CCBE1: variants seen among roughly 807,000 people sequenced by gnomAD.
The protein encoded by CCBE1 is collagen and calcium-binding EGF domain-containing protein 1.
In CCBE1, 37 loss-of-function variants were observed where a neutral mutation model predicts 50.0. The ratio of observed to expected loss-of-function variants is 0.74; its 90% CI spans 0.57 to 0.97. The LOEUF (loss-of-function observed/expected upper bound fraction) is 0.97. Ranked by LOEUF, CCBE1 falls within the 50% of genes least tolerant of loss-of-function variation. CCBE1 has a pLI of 0.00. For synonymous variants in CCBE1, 234 were observed against 203.7 expected (o/e 1.15, Z -1.27); for missense variants, 538 against 523.8 (o/e 1.03, Z -0.26).
intron 7 of CCBE1, among the ~76,000 whole-genome samples, chr18:59,441,960 A>G (rs146967509): frequency 2.0e-5 from 3 of 152,214 alleles, no homozygotes; most frequent in African/African-American, 4.8e-5. Context: ...ACTCCTCAGC[A>G]TAGTATCCTT....
intron 2 of CCBE1, among the ~76,000 whole-genome samples, chr18:59,638,456 C>T (rs992520223): frequency 3.3e-5 from 5 of 152,208 alleles, no homozygotes; most frequent in Non-Finnish European, 5.9e-5. Flanking sequence ...AGAGAACTTG[C>T]TGTAAATGCA....
rs911634360 is a variant in CCBE1, at chr18:59,431,300, G to A, written c.*4608C>T. On this transcript the variant is annotated 3_prime_UTR_variant, in exon 11 of 11. Transcript: ENST00000439986. ...TGGAAAATTATTTTTGACTTGTTGT[G>A]AGATATAAATATTGACTATGCCAGG... The A allele has an allele frequency of 6.6e-6, 1 of 152,164 alleles. No individual in the cohort carries two copies. Among genetic ancestry groups the A allele is most frequent in the Non-Finnish European group, 1.5e-5 (1 of 68,034 alleles). The allele number at this position is 152,164 out of a possible 1,614,324, so 9.4% of individuals were successfully genotyped here. A position where few individuals can be genotyped will look rare whatever the true frequency, so the allele number is the denominator to read the frequency against.
intron 3 of CCBE1, among the ~76,000 whole-genome samples, chr18:59,477,565 T>TGTGTGTGTGCGC (rs398059300): frequency 1.4e-4 from 21 of 146,082 alleles, no homozygotes; most frequent in Non-Finnish European, 3.0e-4. Flanking sequence ...TGTGTGTGTG[T>TGTGTGTGTGCGC]GCACCTGCAT....
At chr18:59,462,648 T>G (rs959295803) in intron 5 of CCBE1, 1 of 151,986 alleles carries the variant, frequency 6.6e-6, no homozygotes, top group African/African-American at 2.4e-5. Flanking sequence ...CCTCCCAAAG[T>G]GCCGAGATTA....
rs555862311 is a variant in CCBE1 at position 59,433,712 on chromosome 18, C to T, written c.*2196G>A. ...CTCCGCCTCCCAGGTTCACGCCATT[C>T]TCCTGCCTCAGCCTCCCGAGCAGCT... is the stretch of plus-strand genomic sequence containing the variant. On this transcript the variant is annotated 3_prime_UTR_variant, in exon 11 of 11. Transcript: ENST00000439986. The T allele has an allele frequency of 6.6e-6, 1 of 151,432 alleles. No individual in the cohort carries two copies. Among genetic ancestry groups the T allele is most frequent in the Admixed American group, 6.6e-5 (1 of 15,202 alleles). The allele number at this position is 151,432 out of a possible 1,614,324, so 9.4% of individuals were successfully genotyped here.
intron 2 of CCBE1, among the ~76,000 whole-genome samples, chr18:59,545,780 A>G (rs749621370): frequency 6.6e-6 from 1 of 152,144 alleles, no homozygotes; most frequent in Non-Finnish European, 1.5e-5. Flanking sequence ...TGACGGTTTT[A>G]TCAGGGGGTT....
At chr18:59,519,484 T>C (rs892724464) in intron 2 of CCBE1, among the ~76,000 whole-genome samples, 23 of 150,932 alleles carry the variant, frequency 1.5e-4, no homozygotes, top group African/African-American at 5.3e-4. Context: ...CACAAACATA[T>C]GGCTTTCCAG....
intron 2 of CCBE1, among the ~76,000 whole-genome samples, chr18:59,632,629 C>A (rs1444299998): frequency 6.6e-6 from 1 of 152,006 alleles, no homozygotes; most frequent in African/African-American, 2.4e-5. Flanking sequence ...TACTCTATGG[C>A]CCAGGCTGGA....
At chr18:59,590,542 T>C (rs957767415) in intron 2 of CCBE1, among the ~76,000 whole-genome samples, 13 of 152,124 alleles carry the variant, frequency 8.5e-5, no homozygotes, top group Non-Finnish European at 1.5e-4. Flanking sequence ...CATGGAAAAC[T>C]GAACATGCAA....
chr18:59,552,055 C>A (rs184099957), intron 2 of CCBE1, among the ~76,000 whole-genome samples: 3 of 152,290 alleles, frequency 2.0e-5, no homozygotes, highest in East Asian at 1.9e-4. Flanking sequence ...TATAAGATGG[C>A]CTCAATTCAC....
chr18:59,608,877 T>C (rs1475229577), intron 2 of CCBE1, among the ~76,000 whole-genome samples: 1 of 152,204 alleles, frequency 6.6e-6, no homozygotes, highest in African/African-American at 2.4e-5. Context: ...CTTGAAGCAG[T>C]CGTCTATATG....
intron 2 of CCBE1, among the ~76,000 whole-genome samples, chr18:59,592,127 G>A (rs1022268991): frequency 2.6e-5 from 4 of 152,142 alleles, no homozygotes; most frequent in African/African-American, 9.7e-5. Context: ...AAGAGGCTTA[G>A]GCAGGAGGAC....
intron 2 of CCBE1, among the ~76,000 whole-genome samples, chr18:59,609,185 A>G (rs970842455): frequency 1.3e-5 from 2 of 152,120 alleles, no homozygotes; most frequent in African/African-American, 4.8e-5. Context: ...GTCTTCAACC[A>G]TCTTCCCTTC....
At chr18:59,668,819 C>CTTTTTTTTTTTTTTTT (rs34632549) in intron 2 of CCBE1, among the ~76,000 whole-genome samples, 1 of 99,178 alleles carries the variant, frequency 1.0e-5, no homozygotes. Context: ...TTCCATAAGT[C>CTTTTTTTTTTTTTTTT]TTTTTTTTTT....
At chr18:59,653,169 C>T (rs2054147409) in intron 2 of CCBE1, among the ~76,000 whole-genome samples, 1 of 152,156 alleles carries the variant, frequency 6.6e-6, no homozygotes. Flanking sequence ...TGATCTCTGG[C>T]CCTCTCCTCC....
chr18:59,650,843 G>A (rs2054117814), intron 2 of CCBE1, among the ~76,000 whole-genome samples: 1 of 151,486 alleles, frequency 6.6e-6, no homozygotes, highest in Non-Finnish European at 1.5e-5. Context: ...TTAGTCCTCG[G>A]TGGCCAAGCA....
At chr18:59,516,195 G>C (rs1307756253) in intron 2 of CCBE1, among the ~76,000 whole-genome samples, 1 of 151,758 alleles carries the variant, frequency 6.6e-6, no homozygotes, top group Non-Finnish European at 1.5e-5. Flanking sequence ...CTGACCTCAA[G>C]TGATCCACCC....
At chr18:59,541,762 T>G (rs998975767) in intron 2 of CCBE1, among the ~76,000 whole-genome samples, 2 of 152,080 alleles carry the variant, frequency 1.3e-5, no homozygotes, top group Non-Finnish European at 2.9e-5. Context: ...ACACTCTGTG[T>G]TCAAATTGGT....
rs372639256 is a variant in CCBE1, at chr18:59,565,514, A to T, written c.213-85276T>A. ...AACTCACTCTCTACAGCCCAGCCCC[A>T]CACCTGGCCCCACTGAGGCCTACTG... On this transcript the variant is annotated intron_variant, in intron 2 of 10. Coordinates refer to ENST00000439986, the MANE Select transcript of CCBE1 (RefSeq NM_133459.4). Among the ~76,000 whole-genome samples, 8 of 152,202 alleles carry T rather than the reference A, an allele frequency of 5.3e-5. No homozygotes were observed. The East Asian group carries it at 5.8e-4, about 11-fold the overall frequency.
Sources: gnomAD v4.1 joint callset for allele counts (sites outside exome capture counted in the v4.1 genomes callset) on GRCh38, gnomAD v4.1.1 for gene constraint, MANE v1.5 for transcripts, NCBI Gene and HGNC (gene_info 2026-07-23, HGNC 2026-07-21) for gene names.